HEXB: variants seen among roughly 807,000 people sequenced by gnomAD.
HEXB encodes the protein hexosaminidase subunit beta, also known as beta-hexosaminidase subunit beta.
A neutral mutation model predicts 71.2 loss-of-function variants in HEXB; 51 were observed. The ratio of observed to expected loss-of-function variants is 0.72; its 90% CI spans 0.57 to 0.90. HEXB has a LOEUF of 0.90. Ranked by LOEUF, HEXB falls within the 40% of genes least tolerant of loss-of-function variation. The pLI is 0.00. For missense variants in HEXB, 617 were observed against 677.0 expected (o/e 0.91, Z 0.98); for synonymous variants, 266 against 249.3 (o/e 1.07, Z -0.63).
chr5:74,652,706 A>G lies in HEXB; in HGVS notation c.-377+12148A>G, dbSNP rs527485330. 1.3e-5 allele frequency among the ~76,000 whole-genome samples: 2 copies of G among 152,214 alleles called. No individual in the cohort carries two copies. The highest frequency in any genetic ancestry group is 2.1e-4 in the South Asian group (1 of 4,818). On this transcript the variant is annotated intron_variant, in intron 1 of 13. Transcript: ENST00000511181. This position sits in a 1 kb window ranked among gnomAD's most constrained non-coding sequence, Gnocchi z 5.4. ...AGTTCCAAAGTGTTCTTGAGCAGCCAAAAGTCAGGGATAGAGGCTCATCTG... is the reference window on the plus strand; with the variant it reads ...AGTTCCAAAGTGTTCTTGAGCAGCCGAAAGTCAGGGATAGAGGCTCATCTG...
At chr5:74,685,193 G>A (rs1257576635), upstream of HEXB, 1 of 1,427,058 alleles carries the variant, frequency 7.0e-7, no homozygotes, top group Non-Finnish European at 9.1e-7. Context: ...CCTCTGATCC[G>A]GGCCGGGCGG....
intron 1 of HEXB, among the ~76,000 whole-genome samples, chr5:74,651,430 G>T (rs189414689): frequency 2.6e-5 from 4 of 152,280 alleles, no homozygotes; most frequent in Non-Finnish European, 1.5e-5. Flanking sequence ...TCAAAATTAT[G>T]CCCTTTGTTC....
chr5:74,644,668 G>T (rs1249073293), intron 1 of HEXB, among the ~76,000 whole-genome samples: 2 of 149,458 alleles, frequency 1.3e-5, no homozygotes, highest in African/African-American at 4.9e-5. Flanking sequence ...CTAAATTTTG[G>T]TTTGCCATCT....
chr5:74,701,064 T>A (rs1213745635), intron 5 of HEXB, among the ~76,000 whole-genome samples: 18 of 151,500 alleles, frequency 1.2e-4, no homozygotes, highest in Non-Finnish European at 2.5e-4. Flanking sequence ...TTTTTTTTTT[T>A]AAGAGATGGG....
At chr5:74,711,874 G>C (rs1412063574) in intron 6 of HEXB, among the ~76,000 whole-genome samples, 2 of 148,284 alleles carry the variant, frequency 1.3e-5, no homozygotes, top group Non-Finnish European at 3.0e-5. Context: ...TCAGTGTGGC[G>C]ATTCCTCAGG....
intron 1 of HEXB, among the ~76,000 whole-genome samples, chr5:74,649,503 C>A (rs1396287546): frequency 2.6e-5 from 4 of 152,216 alleles, no homozygotes; most frequent in Admixed American, 6.5e-5. Context: ...AAGCCAAGAG[C>A]TGAGTGCTTA....
At chr5:74,710,090 T>C (rs1367840103) in intron 6 of HEXB, among the ~76,000 whole-genome samples, 3 of 152,056 alleles carry the variant, frequency 2.0e-5, no homozygotes, top group Non-Finnish European at 4.4e-5. Flanking sequence ...TTATCCACCA[T>C]GATCAAGTGG....
chr5:74,669,201 T>C (rs76714158), intron 1 of HEXB, among the ~76,000 whole-genome samples: 2,941 of 152,282 alleles, frequency 0.019, 86 homozygotes, highest in African/African-American at 0.068. Flanking sequence ...ATAGTAAATA[T>C]ACTATGCCAT....
intron 1 of HEXB, among the ~76,000 whole-genome samples, chr5:74,659,649 G>A (rs1264917229): frequency 6.6e-6 from 1 of 152,150 alleles, no homozygotes; most frequent in Non-Finnish European, 1.5e-5. Flanking sequence ...GAGAGCTGGA[G>A]AATAAGCCCA....
chr5:74,660,334 G>A (rs966835303), intron 1 of HEXB, among the ~76,000 whole-genome samples: 41 of 152,354 alleles, frequency 2.7e-4, no homozygotes, highest in African/African-American at 8.9e-4. Context: ...AGGAGTAGCT[G>A]TGTGACTCAG....
intron 9 of HEXB, among the ~76,000 whole-genome samples, chr5:74,717,670 T>G (rs1453782202): frequency 6.7e-6 from 1 of 149,608 alleles, no homozygotes; most frequent in East Asian, 2.0e-4. Flanking sequence ...TTTTAAAACT[T>G]AAAAAAAAAT....
At chr5:74,699,409 G>T (rs969561574) in intron 5 of HEXB, among the ~76,000 whole-genome samples, 14 of 151,764 alleles carry the variant, frequency 9.2e-5, no homozygotes, top group African/African-American at 3.4e-4. Flanking sequence ...CGAGTAGCTG[G>T]GATTACAGGT....
chr5:74,706,505 C>T (rs939556574), intron 6 of HEXB, among the ~76,000 whole-genome samples: 2 of 152,190 alleles, frequency 1.3e-5, no homozygotes, highest in African/African-American at 4.8e-5. Flanking sequence ...TTGCCTCACT[C>T]GGGAAGCGCA....
intron 1 of HEXB, among the ~76,000 whole-genome samples, chr5:74,655,859 G>T (rs1748208767): frequency 6.6e-6 from 1 of 152,162 alleles, no homozygotes; most frequent in African/African-American, 2.4e-5. Context: ...GAATGATCAA[G>T]TGACATGCCT....
intron 7 of HEXB, among the ~76,000 whole-genome samples, chr5:74,714,077 G>A (rs1158124799): frequency 6.6e-6 from 1 of 152,128 alleles, no homozygotes; most frequent in Admixed American, 6.5e-5. Context: ...CCTCATGATC[G>A]GCCCGCCTCG....
intron 1 of HEXB, among the ~76,000 whole-genome samples, chr5:74,659,939 A>C (rs957372675): frequency 2.6e-5 from 4 of 152,144 alleles, no homozygotes; most frequent in African/African-American, 7.2e-5. Context: ...TGAAGGGCAG[A>C]AGGGGAGGGT....
intron 1 of HEXB, among the ~76,000 whole-genome samples, chr5:74,646,649 C>T (rs1748006907): frequency 6.6e-6 from 1 of 151,426 alleles, no homozygotes; most frequent in Non-Finnish European, 1.5e-5. Context: ...CTCACTGCAA[C>T]CTCTGCCCTC....
At chr5:74,719,078 C>T in intron 11 of HEXB, 107 bp downstream of exon 11, 3 of 997,384 alleles carry the variant, frequency 3.0e-6, no homozygotes, top group South Asian at 2.6e-5. Context: ...TAACCTCCCA[C>T]CCCAGAAGTC....
intron 1 of HEXB, among the ~76,000 whole-genome samples, chr5:74,657,974 C>G (rs1281392261): frequency 1.3e-5 from 2 of 152,238 alleles, no homozygotes. Context: ...TCCCAAGAAT[C>G]TCCAGTGCAA....
Sources: allele counts gnomAD v4.1 joint callset (sites outside exome capture counted in the v4.1 genomes callset), GRCh38; gene constraint gnomAD v4.1.1; non-coding constraint Gnocchi (gnomAD v3.1); transcripts MANE v1.5; gene names NCBI Gene and HGNC (gene_info 2026-07-23, HGNC 2026-07-21).